APP: variants seen among roughly 807,000 people sequenced by gnomAD.
APP encodes the protein amyloid beta precursor protein.
A neutral mutation model predicts 101.4 loss-of-function variants in APP; 31 were observed. The observed-to-expected ratio is 0.31, with a 90% CI of 0.23 to 0.41. The LOEUF is 0.41. Ranked by LOEUF, APP falls within the 10% of genes least tolerant of loss-of-function variation. The pLI, the probability that APP is intolerant of heterozygous loss-of-function variation, is 1.00. For missense variants in APP, 839 were observed against 1,003.7 expected, an observed-to-expected ratio of 0.84 and a Z score of 2.22; for synonymous variants, 366 against 364.4, an observed-to-expected ratio of 1.00 and a Z score of -0.05.
intron 11 of APP, among the ~76,000 whole-genome samples, chr21:25,972,484 G>A (rs1701010): frequency 1 from 152,304 of 152,308 alleles, 76,150 homozygotes; most frequent in Middle Eastern, 1. Flanking sequence ...AGGTATAAAA[G>A]GGACATTTTT....
intron 6 of APP, among the ~76,000 whole-genome samples, chr21:26,016,943 GC>G (rs2044103860): frequency 0.021 from 373 of 17,990 alleles, 7 homozygotes; most frequent in African/African-American, 0.051. Context: ...GGGGCGGGGG[GC>G]GGGGGGCGGG....
At chr21:26,009,573 T>C (rs187674998) in intron 6 of APP, 1 of 149,088 alleles carries the variant, frequency 6.7e-6, no homozygotes, top group Admixed American at 6.9e-5. Context: ...GCTTAGAATA[T>C]ACTTCCTTTT....
intron 13 of APP, among the ~76,000 whole-genome samples, chr21:25,927,191 G>A (rs143860628): frequency 2.2e-4 from 34 of 152,234 alleles, no homozygotes; most frequent in African/African-American, 7.7e-4. Context: ...TGGTGGAGCA[G>A]GGCTGAAAAG....
chr21:26,000,805 G>A (rs894419512), intron 6 of APP, among the ~76,000 whole-genome samples: 1 of 151,340 alleles, frequency 6.6e-6, no homozygotes, highest in Non-Finnish European at 1.5e-5. Flanking sequence ...AATATAAATG[G>A]TCTTAAATTA....
intron 1 of APP, among the ~76,000 whole-genome samples, chr21:26,163,807 T>G (rs542810792): frequency 2.0e-5 from 3 of 152,318 alleles, no homozygotes; most frequent in African/African-American, 7.2e-5. Context: ...CTTTCAAATA[T>G]CCTTGGCCTG....
At chr21:25,930,804 G>C (rs2040114878) in intron 13 of APP, among the ~76,000 whole-genome samples, 1 of 152,170 alleles carries the variant, frequency 6.6e-6, no homozygotes, top group African/African-American at 2.4e-5. Flanking sequence ...TATAGCAATG[G>C]TTCTTTCTCC....
chr21:25,892,831 T>C (rs1326958988), intron 16 of APP, among the ~76,000 whole-genome samples: 1 of 152,172 alleles, frequency 6.6e-6, no homozygotes. Flanking sequence ...ATATAAGGAG[T>C]TGATCTTATG....
At chr21:26,007,880 A>G (rs1464955849) in intron 6 of APP, among the ~76,000 whole-genome samples, 1 of 152,232 alleles carries the variant, frequency 6.6e-6, no homozygotes, top group Non-Finnish European at 1.5e-5. Flanking sequence ...AAGGCAATAA[A>G]TTATCAAATA....
At chr21:26,117,356 G>C (rs1395148543) in intron 1 of APP, among the ~76,000 whole-genome samples, 1 of 152,214 alleles carries the variant, frequency 6.6e-6, no homozygotes, top group East Asian at 1.9e-4. Flanking sequence ...TCATAATCTA[G>C]AAAATCTGAG....
intron 6 of APP, among the ~76,000 whole-genome samples, chr21:26,013,112 T>G (rs2043888629): frequency 2.0e-5 from 3 of 151,300 alleles, no homozygotes; most frequent in Admixed American, 2.0e-4. Flanking sequence ...AGGTCAGGAG[T>G]TCAAGACCAG....
At chr21:26,093,167 A>G (rs924226777) in intron 2 of APP, among the ~76,000 whole-genome samples, 11 of 152,178 alleles carry the variant, frequency 7.2e-5, no homozygotes, top group African/African-American at 2.7e-4. Flanking sequence ...CTTTTTTCCT[A>G]TATAATGAAA....
At chr21:25,967,182 G>A (rs953608626) in intron 11 of APP, among the ~76,000 whole-genome samples, 1 of 152,172 alleles carries the variant, frequency 6.6e-6, no homozygotes, top group Non-Finnish European at 1.5e-5. Flanking sequence ...GAAGGATGCC[G>A]ATGCTATAGA....
chr21:25,981,050 G>C (rs539602015), intron 9 of APP, among the ~76,000 whole-genome samples: 1 of 152,300 alleles, frequency 6.6e-6, no homozygotes, highest in African/African-American at 2.4e-5. Context: ...GATTAGAGCA[G>C]GTGAATAGTG....
At chr21:25,921,546 C>T (rs2039642621) in intron 13 of APP, among the ~76,000 whole-genome samples, 1 of 147,506 alleles carries the variant, frequency 6.8e-6, no homozygotes, top group Admixed American at 6.8e-5. Context: ...AAGGGGATAT[C>T]ACCACCGATC....
Position 26,089,875 on chromosome 21 carries a change from G to A in APP, c.355+68C>T, listed in dbSNP as rs2061785294. Reference sequence around the variant, plus strand: ...AGTCTGTGTATGTGACCTAACAGGAGCATCCTCTTTTTCTTCCCTCAAGAC... The same window carrying A: ...AGTCTGTGTATGTGACCTAACAGGAACATCCTCTTTTTCTTCCCTCAAGAC... On this transcript the variant is annotated intron_variant, in intron 3 of 17. Transcript: ENST00000346798. The A allele has an allele frequency of 3.1e-6, 5 of 1,607,838 alleles. No individual in the cohort carries two copies. The South Asian group carries it at 4.4e-5, about 14-fold the overall frequency.
chr21:26,010,222 A>C (rs976542464), intron 6 of APP, among the ~76,000 whole-genome samples: 1 of 152,040 alleles, frequency 6.6e-6, no homozygotes. Flanking sequence ...ACAAAAAAAA[A>C]AAAAAACAAA....
chr21:26,153,484 T>A (rs1341801591), intron 1 of APP, among the ~76,000 whole-genome samples: 1 of 152,112 alleles, frequency 6.6e-6, no homozygotes, highest in Non-Finnish European at 1.5e-5. Context: ...TTCACTTTTT[T>A]AAAAAACATA....
chr21:26,084,982 T>C (rs548402647), intron 3 of APP, among the ~76,000 whole-genome samples: 1 of 152,362 alleles, frequency 6.6e-6, no homozygotes, highest in South Asian at 2.1e-4. Context: ...CAAAATTATA[T>C]GTACTGATTT....
At chr21:26,057,312 G>A (rs1416446280) in intron 3 of APP, among the ~76,000 whole-genome samples, 2 of 152,160 alleles carry the variant, frequency 1.3e-5, no homozygotes, top group African/African-American at 4.8e-5. Context: ...ATCATAATGA[G>A]AAATCATGTT....
Sources: allele counts gnomAD v4.1 joint callset (sites outside exome capture counted in the v4.1 genomes callset), GRCh38; gene constraint gnomAD v4.1.1; transcripts MANE v1.5; gene names NCBI Gene and HGNC (gene_info 2026-07-23, HGNC 2026-07-21).